The following TYR variants were observed in gnomAD, a reference collection of about 807,000 sequenced individuals.
The protein encoded by TYR is LB24-AB.
Under a neutral mutation model 51.5 loss-of-function variants are expected in TYR, and 58 were observed. The observed-to-expected ratio is 1.13, with a 90% CI of 0.91 to 1.40. The LOEUF (loss-of-function observed/expected upper bound fraction) is 1.40. TYR is among the 40% of genes most tolerant of loss of function. The pLI, the probability that TYR is intolerant of heterozygous loss-of-function variation, is 0.00. For missense variants in TYR, 732 were observed against 647.4 expected, an observed-to-expected ratio of 1.13 and a Z score of -1.42; for synonymous variants, 263 against 235.2, an observed-to-expected ratio of 1.12 and a Z score of -1.08.
chr11:89,244,465 A>G (rs1257092168), intron 3 of TYR, among the ~76,000 whole-genome samples: 2 of 152,214 alleles, frequency 1.3e-5, no homozygotes, highest in African/African-American at 4.8e-5. Flanking sequence ...CAAGTCTTCA[A>G]ATTCTCCTTT....
intron 3 of TYR, among the ~76,000 whole-genome samples, chr11:89,237,536 T>G (rs1944133519): frequency 6.6e-6 from 1 of 152,194 alleles, no homozygotes; most frequent in Admixed American, 6.6e-5. Context: ...GTCTATTCTT[T>G]TCCATTGGTC....
chr11:89,200,869 C>A (rs1356583689), intron 2 of TYR, among the ~76,000 whole-genome samples: 1 of 152,120 alleles, frequency 6.6e-6, no homozygotes, highest in African/African-American at 2.4e-5. Flanking sequence ...TAAAACTTCA[C>A]AAATGGTAAT....
chr11:89,283,300 T>A (rs1330400371), intron 3 of TYR, among the ~76,000 whole-genome samples: 1 of 151,854 alleles, frequency 6.6e-6, no homozygotes, highest in Non-Finnish European at 1.5e-5. Flanking sequence ...TTGTTTTCTG[T>A]CATGGAAAAA....
chr11:89,180,365 A>G (rs1376874637), intron 1 of TYR, among the ~76,000 whole-genome samples: 5 of 152,200 alleles, frequency 3.3e-5, no homozygotes, highest in Non-Finnish European at 7.3e-5. Context: ...AATTACCAAA[A>G]TAAGCTGCAA....
intron 3 of TYR, among the ~76,000 whole-genome samples, chr11:89,239,485 T>C (rs1196272501): frequency 2.0e-5 from 3 of 152,080 alleles, no homozygotes; most frequent in Non-Finnish European, 4.4e-5. Context: ...GTATGTCAAT[T>C]TTGTTTACCT....
intron 4 of TYR, among the ~76,000 whole-genome samples, chr11:89,289,026 A>T (rs1416992103): frequency 6.6e-6 from 1 of 152,036 alleles, no homozygotes; most frequent in Non-Finnish European, 1.5e-5. Context: ...TTCTCTTATA[A>T]TTGAATTTAG....
intron 2 of TYR, among the ~76,000 whole-genome samples, chr11:89,202,250 C>T (rs1943606858): frequency 6.6e-6 from 1 of 152,006 alleles, no homozygotes; most frequent in Admixed American, 6.6e-5. Flanking sequence ...AGTCACCTTG[C>T]TTCTCTCTCT....
At chr11:89,233,729 T>C (rs1367376273) in intron 3 of TYR, among the ~76,000 whole-genome samples, 1 of 142,878 alleles carries the variant, frequency 7.0e-6, no homozygotes, top group Non-Finnish European at 1.5e-5. Context: ...ATATTTTGAA[T>C]GGAATTGTTT....
chr11:89,231,984 CAA>C lies in TYR; in HGVS notation c.1184+4030_1184+4031del, dbSNP rs544640718. On this transcript the variant is annotated intron_variant, in intron 3 of 4. Coordinates refer to ENST00000263321, the MANE Select transcript of TYR (RefSeq NM_000372.5). Reference sequence around the variant, plus strand: ...TGGGCAACAGAGTGAGATTCCATCTCAAAAAAAAAAAAAAAAAGTAAATTAAG... The same window carrying C: ...TGGGCAACAGAGTGAGATTCCATCTCAAAAAAAAAAAAAAAGTAAATTAAG... Among the ~76,000 whole-genome samples, 19 of 49,330 alleles carry C rather than the reference CAA, an allele frequency of 3.9e-4. 1 individual carries two copies. Among genetic ancestry groups the C allele is most frequent in the African/African-American group, 3.1e-4 (4 of 12,786 alleles). The allele number at this position is 49,330 out of a possible 152,430, so 32.4% of individuals were successfully genotyped here.
rs1943254212 is a variant in TYR at position 89,178,332 on chromosome 11, A to G, written c.379A>G (p.Ser127Gly). 6.2e-7 allele frequency: 1 copy of G among 1,614,076 alleles called. No homozygotes were observed. The highest frequency in any genetic ancestry group is 8.5e-7 in the Non-Finnish European group (1 of 1,180,040). Reference protein sequence around the residue: ...LLVRRNIFDLSAPEKDKFFAY... With the variant: ...LLVRRNIFDLGAPEKDKFFAY... Reference sequence around the variant, plus strand: ...GGTGAGAAGAAACATCTTCGATTTGAGTGCCCCAGAGAAGGACAAATTTTT... The same window carrying G: ...GGTGAGAAGAAACATCTTCGATTTGGGTGCCCCAGAGAAGGACAAATTTTT... Residue 127 changes from serine (S) to glycine (G), a missense_variant, in exon 1 of 5, where the codon AGT (serine) becomes GGT (glycine). Transcript: ENST00000263321.
chr11:89,294,537 C>A (rs1368037265), intron 4 of TYR, among the ~76,000 whole-genome samples: 1 of 152,220 alleles, frequency 6.6e-6, no homozygotes, highest in Admixed American at 6.5e-5. Flanking sequence ...GCACAGGGCC[C>A]ACTCCTATGC....
At chr11:89,180,040 T>C (rs1943280991) in intron 1 of TYR, among the ~76,000 whole-genome samples, 1 of 152,132 alleles carries the variant, frequency 6.6e-6, no homozygotes, top group Non-Finnish European at 1.5e-5. Context: ...TTGTACCCCA[T>C]CCCAATGGAG....
At chr11:89,230,955 G>A (rs1944038790) in intron 3 of TYR, among the ~76,000 whole-genome samples, 2 of 150,816 alleles carry the variant, frequency 1.3e-5, no homozygotes, top group South Asian at 2.1e-4. Flanking sequence ...GGCAGATCAT[G>A]AGGTCAGGAG....
intron 3 of TYR, among the ~76,000 whole-genome samples, chr11:89,241,459 C>T (rs1267706694): frequency 2.0e-5 from 3 of 151,952 alleles, no homozygotes; most frequent in South Asian, 2.1e-4. Flanking sequence ...TCAAGAAATA[C>T]GATATGTGTC....
intron 3 of TYR, among the ~76,000 whole-genome samples, chr11:89,270,924 C>T (rs1265584125): frequency 1.3e-5 from 2 of 151,608 alleles, no homozygotes; most frequent in Non-Finnish European, 2.9e-5. Context: ...GGCGAATTTC[C>T]CATATAGGCA....
chr11:89,183,108 C>T (rs935076601), intron 1 of TYR, among the ~76,000 whole-genome samples: 1 of 151,978 alleles, frequency 6.6e-6, no homozygotes, highest in Admixed American at 6.6e-5. Context: ...CCAGATAAAC[C>T]TCTAATGCTA....
chr11:89,285,053 A>G (rs1944767882), intron 4 of TYR, 99 bp downstream of exon 4: 11 of 1,028,024 alleles, frequency 1.1e-5, no homozygotes, highest in Non-Finnish European at 1.7e-5. Flanking sequence ...TTATTCCTGA[A>G]CACTTTAAAT....
At chr11:89,258,956 C>CCT (rs1944426420) in intron 3 of TYR, among the ~76,000 whole-genome samples, 1 of 152,062 alleles carries the variant, frequency 6.6e-6, no homozygotes, top group Admixed American at 6.6e-5. Context: ...TTTTCTAAGT[C>CCT]ATACCTACCG....
chr11:89,199,588 T>C (rs149532603), intron 2 of TYR, among the ~76,000 whole-genome samples: 6 of 152,314 alleles, frequency 3.9e-5, no homozygotes, highest in South Asian at 2.1e-4. Flanking sequence ...AGTTCTAAAA[T>C]TCTGGGCATC....
Sources: allele counts gnomAD v4.1 joint callset (sites outside exome capture counted in the v4.1 genomes callset), GRCh38; gene constraint gnomAD v4.1.1; transcripts MANE v1.5; gene names NCBI Gene and HGNC (gene_info 2026-07-23, HGNC 2026-07-21).